PCED1B: variants seen among roughly 807,000 people sequenced by gnomAD.
The protein encoded by PCED1B is PC-esterase domain-containing protein 1B.
For synonymous variants in PCED1B, 251 were observed against 246.1 expected (o/e 1.02, Z -0.19); for missense variants, 573 against 573.9 (o/e 1.00, Z 0.02).
intron 3 of PCED1B, among the ~76,000 whole-genome samples, chr12:47,220,292 CTCCTGAAT>C (rs1282556226): frequency 1.3e-5 from 2 of 152,146 alleles, no homozygotes; most frequent in Non-Finnish European, 2.9e-5. Flanking sequence ...TTGCCTCGGC[CTCCTGAAT>C]AGCTGGGATT....
chr12:47,146,667 T>C (rs965333071), intron 2 of PCED1B, among the ~76,000 whole-genome samples: 1 of 152,230 alleles, frequency 6.6e-6, no homozygotes. Flanking sequence ...GTATTTTTAA[T>C]TAAGGTATGT....
intron 2 of PCED1B, among the ~76,000 whole-genome samples, chr12:47,115,539 C>G (rs773403348): frequency 2.0e-5 from 3 of 152,164 alleles, no homozygotes; most frequent in Non-Finnish European, 4.4e-5. Flanking sequence ...CCTCCATTCT[C>G]CTTGCCCTCC....
chr12:47,096,463 G>A (rs1380033445), intron 1 of PCED1B, among the ~76,000 whole-genome samples: 1 of 151,194 alleles, frequency 6.6e-6, no homozygotes, highest in East Asian at 1.9e-4. Context: ...TAATAGTAAT[G>A]TAATGTGTAC....
intron 2 of PCED1B, among the ~76,000 whole-genome samples, chr12:47,160,865 T>A (rs893117726): frequency 1.3e-5 from 2 of 152,148 alleles, no homozygotes; most frequent in Non-Finnish European, 2.9e-5. Flanking sequence ...TGCCCTTGTG[T>A]GTGGTTCGGT....
At chr12:47,167,073 G>A (rs903365958) in intron 2 of PCED1B, among the ~76,000 whole-genome samples, 2 of 152,130 alleles carry the variant, frequency 1.3e-5, no homozygotes, top group Admixed American at 1.3e-4. Flanking sequence ...AACAAGGATT[G>A]TTTAGTGCTT....
chr12:47,132,638 C>T (rs1940179640), intron 2 of PCED1B, among the ~76,000 whole-genome samples: 1 of 152,176 alleles, frequency 6.6e-6, no homozygotes, highest in Non-Finnish European at 1.5e-5. Flanking sequence ...ACAACCCTAA[C>T]TAAACACAAC....
chr12:47,099,255 C>T (rs1042054114), intron 1 of PCED1B, among the ~76,000 whole-genome samples: 1 of 152,216 alleles, frequency 6.6e-6, no homozygotes, highest in South Asian at 2.1e-4. Context: ...CCATTTTGGG[C>T]ATCAGTTGTA....
chr12:47,088,888 A>G (rs550408227), intron 1 of PCED1B, among the ~76,000 whole-genome samples: 1 of 152,324 alleles, frequency 6.6e-6, no homozygotes, highest in South Asian at 2.1e-4. Context: ...CTGGATGCCT[A>G]AATTCCTTTT....
At chr12:47,159,840 A>G (rs1208028070) in intron 2 of PCED1B, among the ~76,000 whole-genome samples, 3 of 151,954 alleles carry the variant, frequency 2.0e-5, no homozygotes, top group African/African-American at 7.3e-5. Flanking sequence ...TGTTTCTCCT[A>G]TGTTTTCTTC....
chr12:47,116,019 G>A (rs530721194), intron 2 of PCED1B, among the ~76,000 whole-genome samples: 1 of 152,142 alleles, frequency 6.6e-6, no homozygotes, highest in South Asian at 2.1e-4. Context: ...AATAAATAAG[G>A]TATATAGAAC....
chr12:47,103,316 G>A (rs187927292), intron 1 of PCED1B, among the ~76,000 whole-genome samples: 11 of 152,220 alleles, frequency 7.2e-5, no homozygotes, highest in Admixed American at 3.9e-4. Context: ...AAGAGAACAG[G>A]GCAAGGAGGA....
intron 2 of PCED1B, among the ~76,000 whole-genome samples, chr12:47,171,463 A>G (rs1473376979): frequency 6.6e-6 from 1 of 152,134 alleles, no homozygotes; most frequent in Non-Finnish European, 1.5e-5. Context: ...CTTCTTTTTA[A>G]AGATTGCTTA....
At chr12:47,199,119 A>C (rs1942692256) in intron 2 of PCED1B, among the ~76,000 whole-genome samples, 1 of 152,238 alleles carries the variant, frequency 6.6e-6, no homozygotes, top group Non-Finnish European at 1.5e-5. Context: ...CCTATATATC[A>C]GAAATGAACA....
chr12:47,143,201 G>A (rs1248864804), intron 2 of PCED1B, among the ~76,000 whole-genome samples: 2 of 152,048 alleles, frequency 1.3e-5, no homozygotes, highest in Non-Finnish European at 2.9e-5. Context: ...GTATAGTATT[G>A]GAAGTCCTAG....
intron 1 of PCED1B, among the ~76,000 whole-genome samples, chr12:47,085,998 G>A (rs1263275367): frequency 1.3e-5 from 2 of 152,124 alleles, no homozygotes; most frequent in African/African-American, 4.8e-5. Flanking sequence ...TTTATTCGGC[G>A]GATATTTACT....
At chr12:47,169,091 A>G (rs1941635486) in intron 2 of PCED1B, among the ~76,000 whole-genome samples, 1 of 152,212 alleles carries the variant, frequency 6.6e-6, no homozygotes, top group South Asian at 2.1e-4. Context: ...AAAGAATACA[A>G]ATTTATTTAA....
intron 2 of PCED1B, among the ~76,000 whole-genome samples, chr12:47,198,275 T>C (rs1485432142): frequency 6.6e-6 from 1 of 152,150 alleles, no homozygotes; most frequent in Non-Finnish European, 1.5e-5. Flanking sequence ...ATCGTATCAA[T>C]AGGCTAAAGA....
intron 2 of PCED1B, among the ~76,000 whole-genome samples, chr12:47,172,340 C>CTTTTTTTTTTTTTTT (rs34230051): frequency 2.3e-4 from 18 of 78,338 alleles, no homozygotes; most frequent in Non-Finnish European, 3.6e-4. Context: ...TCGTGGGTTG[C>CTTTTTTTTTTTTTTT]TTTTTTTTTT....
intron 2 of PCED1B, among the ~76,000 whole-genome samples, chr12:47,162,464 T>C (rs1235145564): frequency 1.3e-5 from 2 of 152,120 alleles, no homozygotes; most frequent in East Asian, 3.9e-4. Context: ...TACTTTGCAT[T>C]TCTGTAAAGA....
Sources: gnomAD v4.1 joint callset for allele counts (sites outside exome capture counted in the v4.1 genomes callset) on GRCh38, gnomAD v4.1.1 for gene constraint, MANE v1.5 for transcripts, NCBI Gene and HGNC (gene_info 2026-07-23, HGNC 2026-07-21) for gene names.